SYT9: variants seen among roughly 807,000 people sequenced by gnomAD.
SYT9 encodes the protein synaptotagmin 9.
SYT9 carries 22 observed loss-of-function variants against 48.4 expected under a neutral mutation model. The ratio of observed to expected loss-of-function variants is 0.45; its 90% CI spans 0.32 to 0.65. SYT9 has a LOEUF of 0.65. SYT9 is among the 30% of genes least tolerant of loss of function. SYT9 has a pLI of 0.03. For synonymous variants in SYT9, 265 were observed against 245.0 expected, an observed-to-expected ratio of 1.08 and a Z score of -0.76; for missense variants, 577 against 622.0, an observed-to-expected ratio of 0.93 and a Z score of 0.77.
intron 3 of SYT9, among the ~76,000 whole-genome samples, chr11:7,353,945 T>C (rs1429596452): frequency 2.6e-5 from 4 of 152,218 alleles, no homozygotes; most frequent in Non-Finnish European, 5.9e-5. Flanking sequence ...ATTTGAAATA[T>C]TGTCTTTGAA....
rs761069607 is a variant in SYT9, at chr11:7,466,964, G to A, written c.*164G>A. ...GCCTTCTTTCCAGATTGGGTTTGGT[G>A]AACCTGAATGGTCCAGCCACCTTCT... On this transcript the variant is annotated 3_prime_UTR_variant, in exon 7 of 7. Coordinates refer to ENST00000318881, the MANE Select transcript of SYT9 (RefSeq NM_175733.4). The A allele has an allele frequency of 5.2e-5, 44 of 842,542 alleles. No individual in the cohort carries two copies. Among genetic ancestry groups the A allele is most frequent in the Non-Finnish European group, 7.8e-5 (41 of 527,870 alleles). The allele number at this position is 842,542 out of a possible 1,614,324, so 52.2% of individuals were successfully genotyped here.
At chr11:7,357,767 C>T (rs1339017568) in intron 3 of SYT9, among the ~76,000 whole-genome samples, 2 of 152,200 alleles carry the variant, frequency 1.3e-5, no homozygotes, top group Admixed American at 1.3e-4. Flanking sequence ...TCATTATTCC[C>T]TTAGAATTTT....
At chr11:7,343,193 T>C (rs983713160) in intron 3 of SYT9, among the ~76,000 whole-genome samples, 3 of 152,244 alleles carry the variant, frequency 2.0e-5, no homozygotes, top group African/African-American at 7.2e-5. Flanking sequence ...ATTTGGCTCC[T>C]TGTGACTTAT....
chr11:7,453,057 C>T (rs1226716053), intron 6 of SYT9, among the ~76,000 whole-genome samples: 3 of 151,526 alleles, frequency 2.0e-5, no homozygotes, highest in African/African-American at 7.3e-5. Flanking sequence ...GCTGGGATTA[C>T]AGGTGTGAGC....
At chr11:7,353,968 T>C (rs1170349538) in intron 3 of SYT9, among the ~76,000 whole-genome samples, 4 of 152,212 alleles carry the variant, frequency 2.6e-5, no homozygotes, top group Non-Finnish European at 5.9e-5. Flanking sequence ...ATCTTGATTG[T>C]AATGGCTTTA....
chr11:7,267,582 C>G (rs1848208380), intron 1 of SYT9, among the ~76,000 whole-genome samples: 1 of 151,112 alleles, frequency 6.6e-6, no homozygotes, highest in South Asian at 2.1e-4. Flanking sequence ...ATAACCAAAG[C>G]TATATCTAGA....
At chr11:7,378,670 A>G (rs1158033206) in intron 3 of SYT9, among the ~76,000 whole-genome samples, 2 of 152,068 alleles carry the variant, frequency 1.3e-5, no homozygotes, top group Non-Finnish European at 2.9e-5. Context: ...CCATGGAGCA[A>G]GTCTCCACCC....
chr11:7,284,947 T>C (rs1205770174), intron 1 of SYT9, among the ~76,000 whole-genome samples: 1 of 152,178 alleles, frequency 6.6e-6, no homozygotes, highest in Non-Finnish European at 1.5e-5. Flanking sequence ...TCCATAATTT[T>C]TTCTCTTTAC....
chr11:7,405,706 C>T (rs1846994904), intron 3 of SYT9, among the ~76,000 whole-genome samples: 1 of 152,144 alleles, frequency 6.6e-6, no homozygotes, highest in South Asian at 2.1e-4. Flanking sequence ...TGATTATTCA[C>T]ACTGTTGCTC....
intron 6 of SYT9, among the ~76,000 whole-genome samples, chr11:7,458,381 T>G (rs1455592805): frequency 6.6e-6 from 1 of 152,126 alleles, no homozygotes; most frequent in Non-Finnish European, 1.5e-5. Flanking sequence ...CTCAAAAGGC[T>G]GAGGCAGGAG....
intron 3 of SYT9, among the ~76,000 whole-genome samples, chr11:7,371,978 T>A (rs149562341): frequency 2.0e-4 from 31 of 152,350 alleles, no homozygotes; most frequent in African/African-American, 7.5e-4. Flanking sequence ...ATGATTCTTG[T>A]ATAAGTCTAT....
intron 3 of SYT9, among the ~76,000 whole-genome samples, chr11:7,319,053 T>G (rs1849290479): frequency 6.6e-6 from 1 of 152,142 alleles, no homozygotes; most frequent in Non-Finnish European, 1.5e-5. Flanking sequence ...TTTGGGGTTT[T>G]TGTGTATCTT....
intron 6 of SYT9, chr11:7,427,650 T>C (rs1847487655): frequency 6.6e-6 from 1 of 152,208 alleles, no homozygotes; most frequent in African/African-American, 2.4e-5. Flanking sequence ...CTTTGCCCCA[T>C]CTACCTGTGA....
At chr11:7,316,067 G>GTT (rs113637653) in intron 3 of SYT9, among the ~76,000 whole-genome samples, 4 of 149,578 alleles carry the variant, frequency 2.7e-5, no homozygotes, top group African/African-American at 9.8e-5. Context: ...GGGGTTGTGG[G>GTT]GTTTTTTTTT....
intron 2 of SYT9, 139 bp downstream of exon 2, chr11:7,303,529 C>T: frequency 3.9e-6 from 3 of 760,916 alleles, no homozygotes; most frequent in South Asian, 3.9e-5. Flanking sequence ...TATGGGAAAA[C>T]TCCATGCTTC....
At chr11:7,293,951 A>G (rs1251918402) in intron 1 of SYT9, among the ~76,000 whole-genome samples, 3 of 152,172 alleles carry the variant, frequency 2.0e-5, no homozygotes, top group East Asian at 1.9e-4. Flanking sequence ...CTCCTCATCT[A>G]TGGTGTCTAA....
chr11:7,297,022 T>C (rs2133927918), intron 1 of SYT9, among the ~76,000 whole-genome samples: 1 of 151,806 alleles, frequency 6.6e-6, no homozygotes, highest in South Asian at 2.1e-4. Flanking sequence ...CACACAATCA[T>C]CTGAGGATCA....
intron 1 of SYT9, among the ~76,000 whole-genome samples, chr11:7,241,941 A>G (rs1847745249): frequency 6.6e-6 from 1 of 152,218 alleles, no homozygotes; most frequent in Admixed American, 6.5e-5. Context: ...TCCATTGGCT[A>G]CTAGCTATGT....
intron 3 of SYT9, among the ~76,000 whole-genome samples, chr11:7,365,966 T>C (rs2134022302): frequency 6.6e-6 from 1 of 152,324 alleles, no homozygotes; most frequent in South Asian, 2.1e-4. Flanking sequence ...GTTCTGCTGA[T>C]GTACCCTATA....
Sources: allele counts gnomAD v4.1 joint callset (sites outside exome capture counted in the v4.1 genomes callset), GRCh38; gene constraint gnomAD v4.1.1; transcripts MANE v1.5; gene names NCBI Gene and HGNC (gene_info 2026-07-23, HGNC 2026-07-21).